The following CDK5RAP1 variants were observed in gnomAD, a reference collection of about 807,000 sequenced individuals.
The protein encoded by CDK5RAP1 is mitochondrial tRNA methylthiotransferase CDK5RAP1.
In CDK5RAP1, 62 loss-of-function variants were observed where a neutral mutation model predicts 64.5. That is an observed-to-expected ratio of 0.96 (90% CI 0.78 to 1.19). CDK5RAP1 has a LOEUF of 1.19. CDK5RAP1 is among the 50% of genes most tolerant of loss of function. The pLI, the probability that CDK5RAP1 is intolerant of heterozygous loss-of-function variation, is 0.00. For missense variants in CDK5RAP1, 657 were observed against 735.0 expected (o/e 0.89, Z 1.23); for synonymous variants, 250 against 261.9 (o/e 0.95, Z 0.44).
Position 33,374,029 on chromosome 20 carries a change from G to A in CDK5RAP1, c.1205+86C>T, listed in dbSNP as rs1037594776. 4.6e-5 allele frequency: 41 copies of A among 896,304 alleles called. No individual in the cohort carries two copies. The South Asian group carries it at 5.6e-4, about 12-fold the overall frequency. The allele number at this position is 896,304 out of a possible 1,614,324, so 55.5% of individuals were successfully genotyped here. A position where few individuals can be genotyped will look rare whatever the true frequency, so the allele number is the denominator to read the frequency against. ...GCAGCTACTTTGTGCCACACACTATGCTAGGTTCTTGGCAACAAGGACACT... is the reference window on the plus strand; with the variant it reads ...GCAGCTACTTTGTGCCACACACTATACTAGGTTCTTGGCAACAAGGACACT... On this transcript the variant is annotated intron_variant, in intron 9 of 13. Transcript: ENST00000346416.
At chr20:33,395,177 A>G (rs780004345) in intron 2 of CDK5RAP1, 61 bp from the exon 3 acceptor site, 1 of 935,306 alleles carries the variant, frequency 1.1e-6, no homozygotes, top group Non-Finnish European at 1.8e-6. Context: ...TCGTGTCTCA[A>G]AAGGTCTCCT....
intron 1 of CDK5RAP1, 148 bp downstream of exon 1, chr20:33,401,280 C>G: frequency 1.9e-6 from 1 of 537,188 alleles, no homozygotes; most frequent in Non-Finnish European, 2.4e-6. Context: ...GTACGAACCC[C>G]TACAGCCTGA....
intron 1 of CDK5RAP1, among the ~76,000 whole-genome samples, chr20:33,397,515 A>G (rs1989015248): frequency 6.6e-6 from 1 of 152,236 alleles, no homozygotes; most frequent in Non-Finnish European, 1.5e-5. Flanking sequence ...GTAAGCAGTC[A>G]AACAAGGACT....
intron 12 of CDK5RAP1, among the ~76,000 whole-genome samples, 197 bp downstream of exon 12, chr20:33,366,662 A>G (rs1984020064): frequency 6.6e-6 from 1 of 152,012 alleles, no homozygotes; most frequent in Non-Finnish European, 1.5e-5. Flanking sequence ...CATGGACAAA[A>G]TCTGTATACT....
chr20:33,397,033 T>A lies in CDK5RAP1; in HGVS notation c.32A>T (p.Gln11Leu), dbSNP rs771036166. The change falls in exon 2 of 14, where the codon CAG becomes CTG. Residue 11 changes from glutamine to leucine, a missense_variant. Coordinates refer to ENST00000346416, the MANE Select transcript of CDK5RAP1 (RefSeq NM_016408.4). The stretch of plus-strand genomic sequence containing the variant: ...CAATGGTCCCCACCCCAGAGACCTC[T>A]GCACTTGGAGGACACACTGTAAAGG... MHPLQCVLQV[Q>L]RSLGWGPLAS... is the part of the protein sequence containing the mutation. 3.1e-6 allele frequency: 5 copies of A among 1,613,252 alleles called. No homozygotes were observed. The highest frequency in any genetic ancestry group is 4.2e-6 in the Non-Finnish European group (5 of 1,179,678).
At chr20:33,389,280 C>T (rs1237461624) in intron 5 of CDK5RAP1, among the ~76,000 whole-genome samples, 3 of 150,880 alleles carry the variant, frequency 2.0e-5, no homozygotes, top group African/African-American at 7.3e-5. Context: ...GCCGCGACCC[C>T]GTCTGGGAGG....
intron 5 of CDK5RAP1, among the ~76,000 whole-genome samples, chr20:33,387,929 G>A (rs1439439167): frequency 6.6e-6 from 1 of 152,024 alleles, no homozygotes; most frequent in Non-Finnish European, 1.5e-5. Context: ...ACCCAGGCAT[G>A]GTGGCACATG....
At chr20:33,377,827 T>C (rs1343726938) in intron 8 of CDK5RAP1, among the ~76,000 whole-genome samples, 1 of 152,174 alleles carries the variant, frequency 6.6e-6, no homozygotes, top group Non-Finnish European at 1.5e-5. Flanking sequence ...AATTTTTCTA[T>C]TTTTAGTAGA....
chr20:33,386,990 G>A (rs36058666), intron 6 of CDK5RAP1, among the ~76,000 whole-genome samples: 1,564 of 144,216 alleles, frequency 0.011, 22 homozygotes, highest in African/African-American at 0.015. Flanking sequence ...ATGGCCAGGC[G>A]CAGTGGCTCA....
chr20:33,389,342 G>C (rs1487505676), intron 5 of CDK5RAP1, among the ~76,000 whole-genome samples: 1 of 144,836 alleles, frequency 6.9e-6, no homozygotes, highest in African/African-American at 2.6e-5. Context: ...GAGCCCCTCC[G>C]CGCGGCAGCC....
At chr20:33,390,623 T>C (rs1988205983) in intron 5 of CDK5RAP1, among the ~76,000 whole-genome samples, 1 of 152,196 alleles carries the variant, frequency 6.6e-6, no homozygotes, top group Non-Finnish European at 1.5e-5. Context: ...GGTAATTTCA[T>C]ATATATTTTA....
chr20:33,371,022 G>A (rs939576320), intron 10 of CDK5RAP1, among the ~76,000 whole-genome samples: 10 of 152,140 alleles, frequency 6.6e-5, no homozygotes, highest in Admixed American at 1.3e-4. Context: ...CGTTGCATGC[G>A]GTAGCTCACC....
chr20:33,374,027 A>G (rs1985547323), intron 9 of CDK5RAP1, 88 bp downstream of exon 9: 1 of 882,490 alleles, frequency 1.1e-6, no homozygotes, highest in Middle Eastern at 3.3e-4. Flanking sequence ...GCCACACACT[A>G]TGCTAGGTTC....
intron 5 of CDK5RAP1, among the ~76,000 whole-genome samples, chr20:33,390,486 G>A (rs973395797): frequency 2.6e-5 from 4 of 152,122 alleles, no homozygotes; most frequent in African/African-American, 9.7e-5. Context: ...GGGAGCGTGT[G>A]TTCAATGGAT....
intron 10 of CDK5RAP1, among the ~76,000 whole-genome samples, chr20:33,370,996 C>T (rs1414059885): frequency 6.6e-6 from 1 of 152,194 alleles, no homozygotes; most frequent in Non-Finnish European, 1.5e-5. Flanking sequence ...CAATGGTCAT[C>T]TAAGACAGTA....
At chr20:33,395,687 T>G (rs1475112384) in intron 2 of CDK5RAP1, among the ~76,000 whole-genome samples, 3 of 152,100 alleles carry the variant, frequency 2.0e-5, no homozygotes, top group African/African-American at 7.2e-5. Flanking sequence ...TACCTGAGAA[T>G]CAAGGAAATA....
At chr20:33,364,125 T>C (rs1983440110) in intron 12 of CDK5RAP1, among the ~76,000 whole-genome samples, 1 of 152,136 alleles carries the variant, frequency 6.6e-6, no homozygotes, top group African/African-American at 2.4e-5. Context: ...GCATTTTGTT[T>C]ATAATTTTTT....
At chr20:33,388,899 T>C (rs933960191) in intron 5 of CDK5RAP1, among the ~76,000 whole-genome samples, 6 of 152,274 alleles carry the variant, frequency 3.9e-5, no homozygotes, top group African/African-American at 9.6e-5. Flanking sequence ...GGTGCCGGGA[T>C]TGCAGATGGA....
Position 33,372,666 on chromosome 20 carries a change from G to A in CDK5RAP1, c.1237C>T (p.His413Tyr). ...YSREAYVELV[H>Y]HIRESIPGVS... is the part of the protein sequence containing the mutation. ...CCTGGAATAGATTCTCTAATATGGT[G>A]AACTAACTCCACATAAGCTTCTCTT... is the stretch of plus-strand genomic sequence containing the variant. Residue 413 changes from histidine (H) to tyrosine (Y), a missense_variant, in exon 10 of 14, where the codon CAC becomes TAC. Physicochemically the swap from His to Tyr is moderately conservative, Grantham distance 83 (BLOSUM62 2). Coordinates refer to ENST00000346416, the MANE Select transcript of CDK5RAP1 (RefSeq NM_016408.4). The A allele has an allele frequency of 6.4e-7, 1 of 1,574,610 alleles. No homozygotes were observed. Among genetic ancestry groups the A allele is most frequent in the Non-Finnish European group, 8.6e-7 (1 of 1,163,734 alleles).
Sources: allele counts gnomAD v4.1 joint callset (sites outside exome capture counted in the v4.1 genomes callset), GRCh38; gene constraint gnomAD v4.1.1; transcripts MANE v1.5; gene names NCBI Gene and HGNC (gene_info 2026-07-23, HGNC 2026-07-21).